Variants in CEACAM1 observed in about 807,000 individuals in gnomAD.
The protein encoded by CEACAM1 is cell adhesion molecule CEACAM1.
Under a neutral mutation model 49.1 loss-of-function variants are expected in CEACAM1, and 31 were observed. That is an observed-to-expected ratio of 0.63 (90% CI 0.47 to 0.85). The LOEUF (loss-of-function observed/expected upper bound fraction) is 0.85, where lower values mean the gene tolerates loss of function less well. Among genes scored for constraint, CEACAM1 ranks in the 40% least tolerant of loss-of-function variants. The pLI, the probability that CEACAM1 is intolerant of heterozygous loss-of-function variation, is 0.00. For missense variants in CEACAM1, 570 were observed against 645.3 expected, an observed-to-expected ratio of 0.88 and a Z score of 1.26; for synonymous variants, 244 against 247.8, an observed-to-expected ratio of 0.98 and a Z score of 0.14.
At chr19:42,521,860 C>T in intron 3 of CEACAM1, 64 bp downstream of exon 3, 1 of 1,612,272 alleles carries the variant, frequency 6.2e-7, no homozygotes, top group Non-Finnish European at 8.5e-7. Context: ...ACTGAGAGGC[C>T]TGGCCTCTGG....
intron 4 of CEACAM1, among the ~76,000 whole-genome samples, chr19:42,520,235 C>G (rs1189122505): frequency 6.6e-6 from 1 of 152,268 alleles, no homozygotes; most frequent in African/African-American, 2.4e-5. Flanking sequence ...GTGTGGGTCA[C>G]TCGCTGTGCT....
intron 5 of CEACAM1, among the ~76,000 whole-genome samples, chr19:42,517,057 G>C (rs1024255667): frequency 7.9e-5 from 12 of 152,146 alleles, no homozygotes; most frequent in Admixed American, 2.0e-4. Context: ...TTTTTGACAA[G>C]GGTGCCAAGA....
At chr19:42,517,076 T>TG (rs1568655509) in intron 5 of CEACAM1, among the ~76,000 whole-genome samples, 1 of 152,102 alleles carries the variant, frequency 6.6e-6, no homozygotes, top group African/African-American at 2.4e-5. Context: ...GATCATTCAG[T>TG]GGGGAAAGGA....
chr19:42,513,264 G>A (rs2041506603), intron 5 of CEACAM1, among the ~76,000 whole-genome samples: 1 of 152,100 alleles, frequency 6.6e-6, no homozygotes, highest in Non-Finnish European at 1.5e-5. Context: ...AAGTGTGAAT[G>A]GCTGGAGGAC....
At chr19:42,521,138 G>A in intron 4 of CEACAM1, 129 bp downstream of exon 4, 2 of 969,636 alleles carry the variant, frequency 2.1e-6, no homozygotes, top group Non-Finnish European at 3.2e-6. Flanking sequence ...AGAGGGTTCA[G>A]GGGAGAATTT....
Position 42,507,818 on chromosome 19 carries a change from T to C in CEACAM1, c.*1291A>G, listed in dbSNP as rs1473698497. ...ACCAGCATGAGTGATAGTGTCCCTG[T>C]AGGGTGCTCCCACTTCTCAAGGACC... On this transcript the variant is annotated 3_prime_UTR_variant, in exon 9 of 9. Coordinates refer to ENST00000161559, the MANE Select transcript of CEACAM1 (RefSeq NM_001712.5). The C allele has an allele frequency of 6.6e-6, 1 of 152,244 alleles. No individual in the cohort carries two copies. The highest frequency in any genetic ancestry group is 2.4e-5 in the African/African-American group (1 of 41,454). 9.4% of individuals were successfully genotyped at this position (152,244 alleles called of 1,614,324 possible). A position where few individuals can be genotyped will look rare whatever the true frequency, so the allele number is the denominator to read the frequency against.
chr19:42,512,856 C>T (rs2041494986), intron 5 of CEACAM1, among the ~76,000 whole-genome samples: 1 of 151,900 alleles, frequency 6.6e-6, no homozygotes, highest in Non-Finnish European at 1.5e-5. Flanking sequence ...TTAGTAGAGA[C>T]GGGGTTTCAC....
In CEACAM1 at chr19:42,527,236, G is replaced by A. The variant is rs1199767046; in HGVS notation, c.229C>T (p.Arg77Cys). The stretch of plus-strand genomic sequence containing the variant: ...CCTATTGCATATCCTACAATTTGAC[G>A]GTTGCCATCCACTCTTTCCCCTTTG... ...WYKGERVDGN[R>C]QIVGYAIGTQ... Residue 77 changes from arginine (R) to cysteine (C), a missense_variant, in exon 2 of 9, where the codon CGT becomes TGT. Transcript: ENST00000161559. 7 of 1,613,822 alleles carry A rather than the reference G, an allele frequency of 4.3e-6. No individual in the cohort carries two copies. The highest frequency in any genetic ancestry group is 5.9e-6 in the Non-Finnish European group (7 of 1,179,962).
At chr19:42,522,440 G>A (rs561433303) in intron 2 of CEACAM1, among the ~76,000 whole-genome samples, 2 of 149,748 alleles carry the variant, frequency 1.3e-5, no homozygotes, top group South Asian at 4.3e-4. Context: ...ATGCCTGACG[G>A]GGTTTCACCG....
At position 42,519,253 on chromosome 19, in the gene CEACAM1, A is replaced by G. The variant is rs1441356572; in HGVS notation, c.959-18T>C. 6.2e-7 allele frequency: 1 copy of G among 1,613,152 alleles called. No homozygotes were observed. The highest frequency in any genetic ancestry group is 2.2e-5 in the East Asian group (1 of 44,876). ...ACTTAGCTCTGTGGACAAGCAGAGTATCTGAGATAACCTACTGAGAATAGG... is the reference window on the plus strand; with the variant it reads ...ACTTAGCTCTGTGGACAAGCAGAGTGTCTGAGATAACCTACTGAGAATAGG... On this transcript the variant is annotated intron_variant, in intron 4 of 8. Transcript: ENST00000161559.
chr19:42,514,576 C>G (rs778289373), intron 5 of CEACAM1, among the ~76,000 whole-genome samples: 1 of 152,202 alleles, frequency 6.6e-6, no homozygotes, highest in Non-Finnish European at 1.5e-5. Context: ...CTGTGTCTAG[C>G]CTATTTCTTG....
Position 42,521,463 on chromosome 19 carries a change from G to A in CEACAM1, c.762C>T (p.Asn254=). Residue 254 remains asparagine, a synonymous_variant, in exon 4 of 9, where the codon AAC becomes AAT. Transcript: ENST00000161559. ...AGGCTGCATAGCAGGAGAGGCTGAG[G>A]TTTGCCCCTGGACGGTAATAGGTGT... ...PSDTYYRPGA[N]LSLSCYAASN... 1 of 1,614,228 alleles carries A rather than the reference G, an allele frequency of 6.2e-7. No individual in the cohort carries two copies. The highest frequency in any genetic ancestry group is 1.7e-5 in the Admixed American group (1 of 60,026).
intron 2 of CEACAM1, among the ~76,000 whole-genome samples, 164 bp downstream of exon 2, chr19:42,526,877 G>A (rs975500405): frequency 6.6e-6 from 1 of 152,074 alleles, no homozygotes; most frequent in Non-Finnish European, 1.5e-5. Flanking sequence ...TAAGACATTC[G>A]GTATTTTGAT....
In CEACAM1 at chr19:42,521,376, C is replaced by T; in HGVS notation, c.849G>A (p.Glu283=). Residue 283 remains glutamate, a synonymous_variant, in exon 4 of 9, where the codon GAG becomes GAA. Transcript: ENST00000161559. ...TCACAGTGATGTTAGGGATAAAGAG[C>T]TCTTGTGTGCTTTGCTGGAATGTTC... is the stretch of plus-strand genomic sequence containing the variant. ...INGTFQQSTQ[E]LFIPNITVNN... The T allele has an allele frequency of 6.2e-7, 1 of 1,614,188 alleles. No individual in the cohort carries two copies. Among genetic ancestry groups the T allele is most frequent in the Non-Finnish European group, 8.5e-7 (1 of 1,180,032 alleles).
intron 4 of CEACAM1, chr19:42,520,898 A>G (rs1281332667): frequency 8.5e-6 from 2 of 236,546 alleles, no homozygotes; most frequent in African/African-American, 4.4e-5. Context: ...TATTCCTTAT[A>G]TCTCATGGAA....
At chr19:42,519,461 G>C (rs1443149998) in intron 4 of CEACAM1, 1 of 547,396 alleles carries the variant, frequency 1.8e-6, no homozygotes, top group Non-Finnish European at 3.3e-6. Flanking sequence ...CCTGACCCCA[G>C]ATCGTCTCAG....
intron 2 of CEACAM1, among the ~76,000 whole-genome samples, chr19:42,523,215 T>C (rs1047544816): frequency 6.6e-6 from 1 of 152,206 alleles, no homozygotes; most frequent in African/African-American, 2.4e-5. Flanking sequence ...GAGGACATCC[T>C]AGAGATGGGT....
In CEACAM1 at chr19:42,521,367, G is replaced by T; in HGVS notation, c.858C>A (p.Ile286=). 6.2e-7 allele frequency: 1 copy of T among 1,614,222 alleles called. No individual in the cohort carries two copies. The highest frequency in any genetic ancestry group is 8.5e-7 in the Non-Finnish European group (1 of 1,180,046). ...CACTATTATTCACAGTGATGTTAGG[G>T]ATAAAGAGCTCTTGTGTGCTTTGCT... ...TFQQSTQELF[I]PNITVNNSGS... is the part of the protein sequence containing the mutation. The change falls in exon 4 of 9, where the codon ATC becomes ATA. Residue 286 remains isoleucine, a synonymous_variant. Coordinates refer to ENST00000161559, the MANE Select transcript of CEACAM1 (RefSeq NM_001712.5).
At chr19:42,512,989 A>G (rs1464493900) in intron 5 of CEACAM1, among the ~76,000 whole-genome samples, 1 of 152,126 alleles carries the variant, frequency 6.6e-6, no homozygotes, top group Non-Finnish European at 1.5e-5. Context: ...TTCTAGGTTG[A>G]TGATCTCTCT....
Sources: allele counts gnomAD v4.1 joint callset (sites outside exome capture counted in the v4.1 genomes callset), GRCh38; gene constraint gnomAD v4.1.1; transcripts MANE v1.5; gene names NCBI Gene and HGNC (gene_info 2026-07-23, HGNC 2026-07-21).